Variants in ASTN1 observed in about 807,000 individuals in gnomAD.
ASTN1 encodes astrotactin-1.
A neutral mutation model predicts 140.7 loss-of-function variants in ASTN1; 41 were observed. The observed-to-expected ratio is 0.29, with a 90% CI of 0.23 to 0.38. ASTN1 has a LOEUF of 0.38. Among genes scored for constraint, ASTN1 ranks in the 10% least tolerant of loss-of-function variants. The pLI is 1.00. For synonymous variants in ASTN1, 640 were observed against 652.2 expected (o/e 0.98, Z 0.29); for missense variants, 1,479 against 1,678.8 (o/e 0.88, Z 2.08).
chr1:176,973,479 A>T (rs772898944), intron 8 of ASTN1, among the ~76,000 whole-genome samples: 2 of 152,198 alleles, frequency 1.3e-5, no homozygotes, highest in Non-Finnish European at 2.9e-5. Flanking sequence ...GCGTTTGCAC[A>T]GATGAATGCA....
chr1:177,020,620 A>G (rs1675775999), intron 7 of ASTN1, among the ~76,000 whole-genome samples: 1 of 152,192 alleles, frequency 6.6e-6, no homozygotes, highest in Admixed American at 6.5e-5. Context: ...TCCATTCCAT[A>G]TGCATCACTA....
intron 1 of ASTN1, among the ~76,000 whole-genome samples, chr1:177,063,210 T>A (rs1678184231): frequency 6.6e-6 from 1 of 152,150 alleles, no homozygotes; most frequent in Non-Finnish European, 1.5e-5. Context: ...GACACTGATA[T>A]GATTCTCTGT....
chr1:177,016,050 A>C (rs1250993873), intron 7 of ASTN1, among the ~76,000 whole-genome samples: 3 of 152,212 alleles, frequency 2.0e-5, no homozygotes, highest in Non-Finnish European at 4.4e-5. Flanking sequence ...ATATAAATAG[A>C]ATAATAGCTT....
rs869200407 is a variant in ASTN1 at position 177,036,036 on chromosome 1, C to CTTTT, written c.472-3191_472-3188dup. On this transcript the variant is annotated intron_variant, in intron 2 of 22. Transcript: ENST00000361833. ...CTCTGGATGGGATGACCTCAGCTTT[C>CTTTT]TTTTTTTTTTTTTTTTTTTTTTTTT... Among the ~76,000 whole-genome samples the CTTTT allele has an allele frequency of 2.9e-3, 228 of 78,800 alleles. 32 individuals are homozygous for CTTTT. The highest frequency in any genetic ancestry group is 0.011 in the African/African-American group (196 of 18,136). The allele number at this position is 78,800 out of a possible 152,430, so 51.7% of individuals were successfully genotyped here. A position where few individuals can be genotyped will look rare whatever the true frequency, so the allele number is the denominator to read the frequency against.
chr1:177,058,132 G>A (rs1677900914), intron 2 of ASTN1, among the ~76,000 whole-genome samples: 1 of 152,172 alleles, frequency 6.6e-6, no homozygotes, highest in Admixed American at 6.5e-5. Flanking sequence ...ACAATGAGAC[G>A]GCTAGGTGGG....
At position 176,957,765 on chromosome 1, in the gene ASTN1, C is replaced by T. The variant is rs367953854; in HGVS notation, c.1800G>A (p.Pro600=). The T allele has an allele frequency of 3.3e-5, 53 of 1,613,884 alleles. No homozygotes were observed. The East Asian group carries it at 4.0e-4, about 12-fold the overall frequency. Residue 600 remains proline, a synonymous_variant, in exon 11 of 23, where the codon CCG becomes CCA. Coordinates refer to ENST00000361833, the MANE Select transcript of ASTN1 (RefSeq NM_004319.3). ...CGTTATCTTTGCTGCAGTCGCGCAC[C>T]GGCCCAAAGGAATCTAAGAGAACCT... is the stretch of plus-strand genomic sequence containing the variant. ...SLEVLLDSFG[P]VRDCSKDNGG...
chr1:176,911,944 A>G (rs1670260070), intron 16 of ASTN1, among the ~76,000 whole-genome samples: 1 of 152,208 alleles, frequency 6.6e-6, no homozygotes, highest in Non-Finnish European at 1.5e-5. Context: ...ATGCTGTAAC[A>G]TTACAATGGC....
chr1:176,959,934 G>T (rs1041242613), intron 9 of ASTN1, among the ~76,000 whole-genome samples: 4 of 152,126 alleles, frequency 2.6e-5, no homozygotes, highest in Admixed American at 1.3e-4. Context: ...ACCAGGGGAG[G>T]AAAGCTTGTT....
At chr1:176,952,410 A>C (rs577831304) in intron 11 of ASTN1, among the ~76,000 whole-genome samples, 5 of 152,258 alleles carry the variant, frequency 3.3e-5, no homozygotes, top group Admixed American at 6.5e-5. Context: ...ATCCTCAATC[A>C]CTGAAAAAGA....
chr1:176,960,760 G>A (rs986087107), intron 9 of ASTN1, among the ~76,000 whole-genome samples: 4 of 152,058 alleles, frequency 2.6e-5, no homozygotes, highest in African/African-American at 4.8e-5. Context: ...AAGTTGTCCC[G>A]ATTTTCTCAC....
At chr1:176,946,735 C>T (rs1242811099) in intron 12 of ASTN1, among the ~76,000 whole-genome samples, 1 of 152,166 alleles carries the variant, frequency 6.6e-6, no homozygotes, top group Non-Finnish European at 1.5e-5. Context: ...CCCTAGGGCA[C>T]ACAGTGTGAA....
chr1:177,161,684 C>T (rs1377039851), intron 1 of ASTN1, among the ~76,000 whole-genome samples: 1 of 152,186 alleles, frequency 6.6e-6, no homozygotes, highest in Non-Finnish European at 1.5e-5. Context: ...CCCTAGTTAG[C>T]CTCAGTGAAG....
At chr1:176,997,356 T>C (rs555775846) in intron 8 of ASTN1, among the ~76,000 whole-genome samples, 1 of 152,220 alleles carries the variant, frequency 6.6e-6, no homozygotes, top group African/African-American at 2.4e-5. Flanking sequence ...ACCCAGGTGG[T>C]CTTCTTATAG....
In ASTN1 at chr1:177,013,527, C is replaced by T. The variant is rs574268374; in HGVS notation, c.1523+1264G>A. ...CTCCAAACGCTCACCCATTTGTCAC[C>T]ATATTTATTGCTTTGAGAGTCCAGA... On this transcript the variant is annotated intron_variant, in intron 8 of 22. Transcript: ENST00000361833. 5.9e-5 allele frequency among the ~76,000 whole-genome samples: 9 copies of T among 152,178 alleles called. No homozygotes were observed. In the East Asian group the frequency reaches 1.7e-3, roughly 29 times the overall value.
chr1:177,111,424 G>A (rs979449595), intron 1 of ASTN1, among the ~76,000 whole-genome samples: 4 of 148,860 alleles, frequency 2.7e-5, no homozygotes, highest in African/African-American at 1.0e-4. Context: ...TGATTCACCA[G>A]GTCTGGGGTG....
intron 1 of ASTN1, among the ~76,000 whole-genome samples, chr1:177,118,291 C>T (rs965306101): frequency 1.3e-5 from 2 of 152,056 alleles, no homozygotes; most frequent in Non-Finnish European, 2.9e-5. Flanking sequence ...AGTGTACAAT[C>T]ACTTGAGACA....
At chr1:177,014,268 A>G (rs1243263647) in intron 8 of ASTN1, among the ~76,000 whole-genome samples, 2 of 152,216 alleles carry the variant, frequency 1.3e-5, no homozygotes, top group Admixed American at 6.5e-5. Flanking sequence ...CTAGGGGAAA[A>G]CAAAAGTCTC....
chr1:176,899,793 T>A (rs1304643440), intron 16 of ASTN1, among the ~76,000 whole-genome samples: 2 of 152,156 alleles, frequency 1.3e-5, no homozygotes, highest in Admixed American at 6.5e-5. Context: ...TACAATCATG[T>A]CTTTGGACAG....
chr1:177,017,676 C>G (rs941265426), intron 7 of ASTN1, among the ~76,000 whole-genome samples: 1 of 152,138 alleles, frequency 6.6e-6, no homozygotes, highest in Admixed American at 6.5e-5. Flanking sequence ...TGTCATGGTA[C>G]GGAGGAGAGC....
Sources: allele counts gnomAD v4.1 joint callset (sites outside exome capture counted in the v4.1 genomes callset), GRCh38; gene constraint gnomAD v4.1.1; transcripts MANE v1.5; gene names NCBI Gene and HGNC (gene_info 2026-07-23, HGNC 2026-07-21).